TMC3: variants seen among roughly 807,000 people sequenced by gnomAD.
TMC3 encodes transmembrane channel like 3, also known as transmembrane channel-like protein 3.
Under a neutral mutation model 110.6 loss-of-function variants are expected in TMC3, and 98 were observed. The observed-to-expected ratio is 0.89, with a 90% CI of 0.75 to 1.05. TMC3 has a LOEUF of 1.05. Among genes scored for constraint, TMC3 ranks in the 50% least tolerant of loss-of-function variants. TMC3 has a pLI of 0.00. For synonymous variants in TMC3, 489 were observed against 513.1 expected (o/e 0.95, Z 0.63); for missense variants, 1,319 against 1,373.2 (o/e 0.96, Z 0.62).
At position 81,331,509 on chromosome 15, in the gene TMC3, T is replaced by C. The variant is rs777032551; in HGVS notation, c.*910A>G. ...TAGCTTTTGAAGGAAAAAGTAAAAA[T>C]TTTTGGTTGTCTTTGATTATACTTG... On this transcript the variant is annotated 3_prime_UTR_variant, in exon 22 of 22. Coordinates refer to ENST00000359440, the MANE Select transcript of TMC3 (RefSeq NM_001080532.3). 1.4e-4 allele frequency: 21 copies of C among 152,138 alleles called. No homozygotes were observed. The highest frequency in any genetic ancestry group is 5.2e-4 in the Admixed American group (8 of 15,274). The allele number at this position is 152,138 out of a possible 1,614,324, so 9.4% of individuals were successfully genotyped here. A position where few individuals can be genotyped will look rare whatever the true frequency, so the allele number is the denominator to read the frequency against.
At chr15:81,363,579 A>G (rs1373477898) in intron 3 of TMC3, among the ~76,000 whole-genome samples, 2 of 152,364 alleles carry the variant, frequency 1.3e-5, no homozygotes, top group South Asian at 4.1e-4. Flanking sequence ...TCTGAATTTT[A>G]TCAGAAGTTT....
At chr15:81,372,870 C>CATGTGTGTGTGT (rs71451583) in intron 1 of TMC3, 133 bp from the exon 2 acceptor site, 18 of 555,616 alleles carry the variant, frequency 3.2e-5, no homozygotes, top group Non-Finnish European at 4.2e-5. Context: ...TGTGTTTGTG[C>CATGTGTGTGTGT]GTGTGTGTGT....
chr15:81,360,473 G>A (rs7168594), intron 4 of TMC3, among the ~76,000 whole-genome samples: 2,098 of 152,072 alleles, frequency 0.014, 68 homozygotes, highest in African/African-American at 0.048. Context: ...ATTTCCAACT[G>A]TTCACCAGGT....
At chr15:81,351,939 G>T in intron 9 of TMC3, 98 bp from the exon 10 acceptor site, 1 of 1,385,060 alleles carries the variant, frequency 7.2e-7, no homozygotes, top group Non-Finnish European at 9.8e-7. Flanking sequence ...CACATCCATT[G>T]CCAAGAGGAT....
In TMC3 at chr15:81,341,429, G is replaced by A; in HGVS notation, c.1805C>T (p.Thr602Ile). Residue 602 changes from threonine to isoleucine, a missense_variant, in exon 16 of 22, where the codon ACC (threonine) becomes ATC (isoleucine). Thr to Ile is a moderately conservative substitution (Grantham distance 89). Coordinates refer to ENST00000359440, the MANE Select transcript of TMC3 (RefSeq NM_001080532.3). The stretch of plus-strand genomic sequence containing the variant: ...TACTTGCTGGTGGGGCACATTGCAG[G>A]TCAGCACAGCCCAGCTTCTCAGGTA... ...LMYLRSWAVL[T>I]CNVPHQQVFR... The A allele has an allele frequency of 6.2e-7, 1 of 1,611,922 alleles. No homozygotes were observed. The highest frequency in any genetic ancestry group is 8.5e-7 in the Non-Finnish European group (1 of 1,178,958).
rs200706433 is a variant in TMC3, at chr15:81,332,730, C to A, written c.2992G>T (p.Glu998Ter). Residue 998 changes from glutamate to a stop codon, truncating the protein, a stop_gained, in exon 22 of 22, where the codon GAA becomes TAA. Coordinates refer to ENST00000359440, the MANE Select transcript of TMC3 (RefSeq NM_001080532.3). LOFTEE classifies it low-confidence loss of function (END_TRUNC). ...CTCTCAAGGTGACCCTCAAAATCTT[C>A]ATTCCACGACTTGTAGTGCACCCTC... ...QGRVHYKSWN[E>*]DFEGHLERPA... The A allele has an allele frequency of 3.7e-6, 6 of 1,613,764 alleles. No homozygotes were observed. The highest frequency in any genetic ancestry group is 1.7e-5 in the Admixed American group (1 of 59,998).
At position 81,374,101 on chromosome 15, in the gene TMC3, T is replaced by C; in HGVS notation, c.-24A>G. ...ATGGGAGCTAACCCACTGCTAACAATCAGAAGCTGGCCAGAGAGCTAGGAA... is the reference window on the plus strand; with the variant it reads ...ATGGGAGCTAACCCACTGCTAACAACCAGAAGCTGGCCAGAGAGCTAGGAA... On this transcript the variant is annotated 5_prime_UTR_variant, in exon 1 of 22. Coordinates refer to ENST00000359440, the MANE Select transcript of TMC3 (RefSeq NM_001080532.3). The C allele has an allele frequency of 6.2e-7, 1 of 1,608,806 alleles. No individual in the cohort carries two copies. The highest frequency in any genetic ancestry group is 8.5e-7 in the Non-Finnish European group (1 of 1,176,048).
In TMC3 at chr15:81,346,376, T is replaced by C; in HGVS notation, c.1261A>G (p.Met421Val). The change falls in exon 12 of 22, where the codon ATG becomes GTG. Residue 421 changes from methionine (M) to valine (V), a missense_variant. By Grantham distance (21) the Met-to-Val change is conservative. Coordinates refer to ENST00000359440, the MANE Select transcript of TMC3 (RefSeq NM_001080532.3). ...GGATGGGCACTCACCTCAATGCTCATGCTGTTAACTTTGTCCAGGAGAGCA... is the reference window on the plus strand; with the variant it reads ...GGATGGGCACTCACCTCAATGCTCACGCTGTTAACTTTGTCCAGGAGAGCA... ...IIALLDKVNS[M>V]SIEEMATKNN... 6.2e-7 allele frequency: 1 copy of C among 1,613,750 alleles called. No individual in the cohort carries two copies. The highest frequency in any genetic ancestry group is 8.5e-7 in the Non-Finnish European group (1 of 1,179,824).
chr15:81,346,508 C>A, intron 11 of TMC3, 65 bp from the exon 12 acceptor site: 1 of 1,488,824 alleles, frequency 6.7e-7, no homozygotes, highest in East Asian at 2.3e-5. Flanking sequence ...TTCTAGAGCC[C>A]CCACATGGTT....
rs1894204537 is a variant in TMC3 at position 81,362,263 on chromosome 15, C to T, written c.351G>A (p.Val117=). 3.7e-6 allele frequency: 6 copies of T among 1,612,522 alleles called. No individual in the cohort carries two copies. The highest frequency in any genetic ancestry group is 1.6e-4 in the Middle Eastern group (1 of 6,080). ...TCATTTCCCAGGGAATGAAGATGAC[C>T]ACAAAGTTACAGGCGAGACGAGCAA... ...RKFARLACNF[V]VIFIPWEMRI... Residue 117 remains valine (V), a synonymous_variant, in exon 4 of 22, where the codon GTG becomes GTA. Transcript: ENST00000359440.
chr15:81,355,121 T>A (rs972813200), intron 9 of TMC3, among the ~76,000 whole-genome samples: 23 of 152,204 alleles, frequency 1.5e-4, no homozygotes, highest in Admixed American at 1.4e-3. Context: ...ATTCCCCATG[T>A]CCTTTTGTAC....
intron 3 of TMC3, among the ~76,000 whole-genome samples, chr15:81,366,365 G>C (rs1405198901): frequency 6.6e-6 from 1 of 152,246 alleles, no homozygotes; most frequent in Non-Finnish European, 1.5e-5. Flanking sequence ...GCCAGTACAA[G>C]TTGTGGGTTA....
chr15:81,346,715 G>T (rs1048811525), intron 11 of TMC3, among the ~76,000 whole-genome samples: 65 of 152,194 alleles, frequency 4.3e-4, no homozygotes, highest in African/African-American at 1.5e-3. Context: ...AAACACTAGT[G>T]TAGCAGAAAA....
At chr15:81,358,327 C>T (rs552250318) in intron 6 of TMC3, 36 bp from the exon 7 acceptor site, 31 of 1,597,158 alleles carry the variant, frequency 1.9e-5, no homozygotes, top group Admixed American at 1.0e-4. Flanking sequence ...TTCTGCTTCC[C>T]GTTCCCAGGT....
chr15:81,373,221 T>C (rs1894476848), intron 1 of TMC3, among the ~76,000 whole-genome samples: 1 of 152,160 alleles, frequency 6.6e-6, no homozygotes, highest in Non-Finnish European at 1.5e-5. Context: ...CTTCACCCTT[T>C]CACGTCAATT....
chr15:81,337,329 G>T (rs995681407), intron 19 of TMC3, among the ~76,000 whole-genome samples: 1 of 152,166 alleles, frequency 6.6e-6, no homozygotes, highest in African/African-American at 2.4e-5. Flanking sequence ...AGGAGAAATT[G>T]TGGGAGTTTT....
intron 21 of TMC3, among the ~76,000 whole-genome samples, chr15:81,333,473 T>G (rs1480298213): frequency 6.6e-6 from 1 of 152,190 alleles, no homozygotes; most frequent in Non-Finnish European, 1.5e-5. Context: ...AAATCAGTGA[T>G]GTACACATGA....
rs747028987 is a variant in TMC3 at position 81,332,938 on chromosome 15, A to G, written c.2784T>C (p.Tyr928=). ...VELYPRNVRQ[Y]ASRVPRQPPS... ...GAGGCTGGCGGGGGACCCGGGATGC[A>G]TATTGTCGCACGTTCCTGGGGTACA... The change falls in exon 22 of 22, where the codon TAT becomes TAC. Residue 928 remains tyrosine (Y), a synonymous_variant. Transcript: ENST00000359440. The G allele has an allele frequency of 6.8e-6, 11 of 1,612,572 alleles. No individual in the cohort carries two copies. In the African/African-American group the frequency reaches 1.5e-4, roughly 22 times the overall value.
At chr15:81,346,080 C>T (rs1406089326) in intron 12 of TMC3, among the ~76,000 whole-genome samples, 1 of 152,070 alleles carries the variant, frequency 6.6e-6, no homozygotes, top group Non-Finnish European at 1.5e-5. Flanking sequence ...TGATGGGATT[C>T]AAAGAAATGG....
Sources: allele counts gnomAD v4.1 joint callset (sites outside exome capture counted in the v4.1 genomes callset), GRCh38; gene constraint gnomAD v4.1.1; transcripts MANE v1.5; gene names NCBI Gene and HGNC (gene_info 2026-07-23, HGNC 2026-07-21).